The following WDR72 variants were observed in gnomAD, a reference collection of about 807,000 sequenced individuals.
WDR72 encodes WD repeat-containing protein 72.
In WDR72, 120 loss-of-function variants were observed where a neutral mutation model predicts 124.2. The ratio of observed to expected loss-of-function variants is 0.97; its 90% CI spans 0.83 to 1.12. WDR72 has a LOEUF of 1.12. WDR72 is among the 50% of genes most tolerant of loss of function. WDR72 has a pLI of 0.00. For synonymous variants in WDR72, 452 were observed against 441.7 expected (o/e 1.02, Z -0.29); for missense variants, 1,387 against 1,278.8 (o/e 1.08, Z -1.29).
chr15:53,532,964 A>G (rs1324024251), intron 18 of WDR72, among the ~76,000 whole-genome samples: 3 of 152,158 alleles, frequency 2.0e-5, no homozygotes, highest in Non-Finnish European at 2.9e-5. Context: ...AGTATACGTA[A>G]TAAGAACATG....
At chr15:53,629,868 C>A (rs2014354628) in intron 14 of WDR72, among the ~76,000 whole-genome samples, 1 of 152,156 alleles carries the variant, frequency 6.6e-6, no homozygotes, top group South Asian at 2.1e-4. Context: ...CCTCAAAAAT[C>A]CGCATCCCCA....
chr15:53,598,806 T>A (rs1434591384), intron 17 of WDR72, among the ~76,000 whole-genome samples: 4 of 152,140 alleles, frequency 2.6e-5, no homozygotes, highest in African/African-American at 7.2e-5. Flanking sequence ...TGCTTACTCA[T>A]GAATATCATG....
In WDR72 at chr15:53,740,056, G is replaced by A. The variant is rs537253008; in HGVS notation, c.-12-6895C>T. Among the ~76,000 whole-genome samples the A allele has an allele frequency of 9.9e-5, 15 of 152,242 alleles. No homozygotes were observed. The East Asian group carries it at 2.5e-3, about 26-fold the overall frequency. On this transcript the variant is annotated intron_variant, in intron 1 of 19. Coordinates refer to ENST00000360509, the MANE Select transcript of WDR72 (RefSeq NM_182758.4). ...AGGGATAAATAACTCTTGAGGTGCA[G>A]TATTTATATTCCTATTGCTCTGGAA... is the stretch of plus-strand genomic sequence containing the variant.
intron 14 of WDR72, among the ~76,000 whole-genome samples, chr15:53,623,469 T>TGA (rs1566989951): frequency 1.3e-5 from 2 of 150,648 alleles, no homozygotes; most frequent in African/African-American, 5.0e-5. Flanking sequence ...TATGGCTAAA[T>TGA]AGCATTATAT....
intron 18 of WDR72, among the ~76,000 whole-genome samples, chr15:53,570,013 T>C (rs966832249): frequency 6.6e-6 from 1 of 152,028 alleles, no homozygotes; most frequent in Non-Finnish European, 1.5e-5. Flanking sequence ...TCCACATCCT[T>C]ACCAACACTT....
intron 2 of WDR72, among the ~76,000 whole-genome samples, chr15:53,728,906 T>C (rs886215833): frequency 6.6e-6 from 1 of 152,102 alleles, no homozygotes; most frequent in Non-Finnish European, 1.5e-5. Flanking sequence ...ACTTATTCTC[T>C]AGCTCCCCTG....
At chr15:53,743,086 A>G (rs574246601) in intron 1 of WDR72, among the ~76,000 whole-genome samples, 24 of 152,294 alleles carry the variant, frequency 1.6e-4, no homozygotes, top group African/African-American at 5.8e-4. Context: ...TAGGTAAAAA[A>G]ACAATGTAAA....
intron 16 of WDR72, among the ~76,000 whole-genome samples, chr15:53,612,581 G>C (rs993716767): frequency 2.6e-5 from 4 of 151,980 alleles, no homozygotes; most frequent in African/African-American, 9.7e-5. Context: ...AAAAGGCTAG[G>C]GTAGCTGGAA....
At chr15:53,610,018 T>G (rs1486388044) in intron 16 of WDR72, among the ~76,000 whole-genome samples, 1 of 152,154 alleles carries the variant, frequency 6.6e-6, no homozygotes, top group Non-Finnish European at 1.5e-5. Flanking sequence ...TCTGAAATTC[T>G]ACTCTGCCAT....
intron 18 of WDR72, among the ~76,000 whole-genome samples, chr15:53,531,694 T>G (rs1245279060): frequency 6.6e-6 from 1 of 151,960 alleles, no homozygotes; most frequent in East Asian, 1.9e-4. Context: ...GGGAAACTAG[T>G]AAATATAATC....
intron 5 of WDR72, 38 bp downstream of exon 5, chr15:53,715,155 T>G (rs771674946): frequency 6.3e-7 from 1 of 1,599,618 alleles, no homozygotes; most frequent in Non-Finnish European, 8.6e-7. Flanking sequence ...TATTTTTATA[T>G]GCAATCTCTC....
At chr15:53,656,126 C>A (rs944913360) in intron 14 of WDR72, among the ~76,000 whole-genome samples, 2 of 152,224 alleles carry the variant, frequency 1.3e-5, no homozygotes, top group Non-Finnish European at 2.9e-5. Flanking sequence ...CCCTGCTGCT[C>A]ACAGCAGCTT....
chr15:53,579,112 C>CT (rs2011778075), intron 18 of WDR72, among the ~76,000 whole-genome samples: 1 of 152,034 alleles, frequency 6.6e-6, no homozygotes, highest in South Asian at 2.1e-4. Flanking sequence ...GATCTCTGCC[C>CT]TTTAGAGTAG....
At chr15:53,589,470 T>G (rs1485168811) in intron 18 of WDR72, among the ~76,000 whole-genome samples, 1 of 151,918 alleles carries the variant, frequency 6.6e-6, no homozygotes. Context: ...TAACAGCTTC[T>G]AAGTAAGAGA....
chr15:53,594,667 C>T (rs1237190935), intron 18 of WDR72, among the ~76,000 whole-genome samples: 1 of 149,348 alleles, frequency 6.7e-6, no homozygotes, highest in African/African-American at 2.5e-5. Context: ...TGGTGCTTGC[C>T]TATAGTCCCA....
chr15:53,609,934 C>T (rs997320676), intron 16 of WDR72, among the ~76,000 whole-genome samples: 1 of 151,960 alleles, frequency 6.6e-6, no homozygotes, highest in Non-Finnish European at 1.5e-5. Flanking sequence ...ATTTTTACAG[C>T]TTCAACACAT....
At chr15:53,638,957 C>T (rs2014730414) in intron 14 of WDR72, among the ~76,000 whole-genome samples, 1 of 151,810 alleles carries the variant, frequency 6.6e-6, no homozygotes, top group African/African-American at 2.4e-5. Context: ...GAGATTGAGC[C>T]ATTGCACTCC....
intron 14 of WDR72, among the ~76,000 whole-genome samples, chr15:53,663,668 G>A (rs79593506): frequency 0.013 from 1,992 of 152,078 alleles, 32 homozygotes; most frequent in East Asian, 0.069. Context: ...ACATTCCCCC[G>A]GTTCTCAGCT....
At chr15:53,701,559 T>TCTCTCACACACA (rs369568228) in intron 12 of WDR72, among the ~76,000 whole-genome samples, 7 of 120,102 alleles carry the variant, frequency 5.8e-5, no homozygotes, top group African/African-American at 2.0e-4. Context: ...TCTCTCTCTC[T>TCTCTCACACACA]CACACACACA....
Sources: allele counts gnomAD v4.1 joint callset (sites outside exome capture counted in the v4.1 genomes callset), GRCh38; gene constraint gnomAD v4.1.1; transcripts MANE v1.5; gene names NCBI Gene and HGNC (gene_info 2026-07-23, HGNC 2026-07-21).